CAMTA1: variants seen among roughly 807,000 people sequenced by gnomAD.
CAMTA1 encodes calmodulin binding transcription activator 1.
CAMTA1 carries 27 observed loss-of-function variants against 170.9 expected under a neutral mutation model. The ratio of observed to expected loss-of-function variants is 0.16; its 90% CI spans 0.12 to 0.22. The LOEUF (loss-of-function observed/expected upper bound fraction) is 0.22, where lower values mean the gene tolerates loss of function less well. Among genes scored for constraint, CAMTA1 ranks in the 10% least tolerant of loss-of-function variants. The pLI, the probability that CAMTA1 is intolerant of heterozygous loss-of-function variation, is 1.00. For missense variants in CAMTA1, 1,619 were observed against 2,217.2 expected (o/e 0.73, Z 5.42); for synonymous variants, 833 against 891.5 (o/e 0.93, Z 1.17).
At chr1:7,214,708 C>T (rs1659438830) in intron 4 of CAMTA1, among the ~76,000 whole-genome samples, 2 of 152,088 alleles carry the variant, frequency 1.3e-5, no homozygotes, top group African/African-American at 4.8e-5. Context: ...CCCATTTTTC[C>T]TTTTATATGT....
chr1:7,562,989 G>A lies in CAMTA1; in HGVS notation c.511-77411G>A, dbSNP rs1470441290. Among the ~76,000 whole-genome samples the A allele has an allele frequency of 3.3e-5, 5 of 152,198 alleles. No individual in the cohort carries two copies. The highest frequency in any genetic ancestry group is 7.3e-5 in the Non-Finnish European group (5 of 68,036). On this transcript the variant is annotated intron_variant, in intron 6 of 22. Coordinates refer to ENST00000303635, the MANE Select transcript of CAMTA1 (RefSeq NM_015215.4). This position sits in a 1 kb window ranked among gnomAD's most constrained non-coding sequence, Gnocchi z 4.8. ...TGGGGGCTGTGAGGCCCATCACAGA[G>A]GTGCTTTCTGGGTACACTGCTTCCC...
At chr1:7,515,024 G>T (rs959737445) in intron 6 of CAMTA1, among the ~76,000 whole-genome samples, 2 of 150,762 alleles carry the variant, frequency 1.3e-5, no homozygotes, top group Non-Finnish European at 2.9e-5. Context: ...CTTCACCTGG[G>T]ATCATCAGGC....
chr1:7,664,093 C>T lies in CAMTA1; in HGVS notation c.1546C>T (p.Pro516Ser). The change falls in exon 9 of 23, where the codon CCA becomes TCA. Residue 516 changes from proline to serine, a missense_variant. By Grantham distance (74) the Pro-to-Ser change is moderately conservative. Coordinates refer to ENST00000303635, the MANE Select transcript of CAMTA1 (RefSeq NM_015215.4). The part of the protein sequence containing the change: ...EMVSSNIRHS[P>S]PGERSFSFTT... ...GGTCAGCTCCAACATCCGGCACTCGCCACCCGGGGAGCGGAGCTTCAGCTT... is the reference window on the plus strand; with the variant it reads ...GGTCAGCTCCAACATCCGGCACTCGTCACCCGGGGAGCGGAGCTTCAGCTT... 6.2e-7 allele frequency: 1 copy of T among 1,613,598 alleles called. No homozygotes were observed. The highest frequency in any genetic ancestry group is 8.5e-7 in the Non-Finnish European group (1 of 1,180,028).
In CAMTA1 at chr1:7,707,962, T is replaced by C. The variant is rs1169129905; in HGVS notation, c.2915-24486T>C. 3.9e-5 allele frequency among the ~76,000 whole-genome samples: 6 copies of C among 152,304 alleles called. 1 individual carries two copies. The South Asian group carries it at 1.0e-3, about 26-fold the overall frequency. On this transcript the variant is annotated intron_variant, in intron 11 of 22. Transcript: ENST00000303635. Reference sequence around the variant, plus strand: ...AGGAGATGCCGTCGCCATCAGGAGATAGTTACTCTTCACCCCACAGGCAGT... The same window carrying C: ...AGGAGATGCCGTCGCCATCAGGAGACAGTTACTCTTCACCCCACAGGCAGT...
At chr1:7,578,629 A>G (rs1370310509) in intron 6 of CAMTA1, among the ~76,000 whole-genome samples, 1 of 152,188 alleles carries the variant, frequency 6.6e-6, no homozygotes, top group Non-Finnish European at 1.5e-5. Context: ...GTGCTGCTCT[A>G]ACAGAAAACC....
chr1:7,256,932 C>G (rs1667469790), intron 5 of CAMTA1, among the ~76,000 whole-genome samples: 1 of 152,128 alleles, frequency 6.6e-6, no homozygotes, highest in African/African-American at 2.4e-5. Flanking sequence ...GCCATCTTCT[C>G]ACTGCATCCT....
chr1:7,101,763 T>C (rs1431813751), intron 4 of CAMTA1, among the ~76,000 whole-genome samples: 1 of 152,092 alleles, frequency 6.6e-6, no homozygotes, highest in African/African-American at 2.4e-5. Context: ...ATGACACATA[T>C]GCATGAACAA....
At chr1:6,888,797 C>T (rs1017946932) in intron 3 of CAMTA1, among the ~76,000 whole-genome samples, 2 of 151,958 alleles carry the variant, frequency 1.3e-5, no homozygotes, top group Admixed American at 6.6e-5. Context: ...TCTTAAAAAC[C>T]TTTGAGGAAG....
intron 11 of CAMTA1, among the ~76,000 whole-genome samples, chr1:7,691,367 C>T (rs1294057026): frequency 6.6e-6 from 1 of 152,126 alleles, no homozygotes; most frequent in African/African-American, 2.4e-5. Context: ...AGGCTTTATC[C>T]CCAAGGAGAG....
At chr1:7,528,435 A>C (rs1352809093) in intron 6 of CAMTA1, among the ~76,000 whole-genome samples, 1 of 152,224 alleles carries the variant, frequency 6.6e-6, no homozygotes, top group Non-Finnish European at 1.5e-5. Flanking sequence ...GTTTTTTAAA[A>C]AAAAAAAATC....
chr1:6,886,259 A>G, intron 3 of CAMTA1: 1 of 456,124 alleles, frequency 2.2e-6, no homozygotes, highest in South Asian at 1.5e-5. Context: ...TTTTGGTAGC[A>G]GAAAGCAAAT....
intron 5 of CAMTA1, among the ~76,000 whole-genome samples, chr1:7,302,897 G>T (rs1674996232): frequency 6.6e-6 from 1 of 152,194 alleles, no homozygotes; most frequent in African/African-American, 2.4e-5. Context: ...TCGTCATTTT[G>T]GGGAGATGAA....
At position 7,664,944 on chromosome 1, in the gene CAMTA1, C is replaced by A; in HGVS notation, c.2397C>A (p.Asp799Glu). 1.2e-6 allele frequency: 2 copies of A among 1,613,036 alleles called. No homozygotes were observed. The highest frequency in any genetic ancestry group is 1.7e-6 in the Non-Finnish European group (2 of 1,179,974). ...ATGGGCACCAGCTGGTGTCGGGGGA[C>A]AGCACGGCGCTCTCACAGTCAGAGG... ...TIYGHQLVSG[D>E]STALSQSEDG... The change falls in exon 9 of 23, where the codon GAC (aspartate) becomes GAA (glutamate). Residue 799 changes from aspartate (D) to glutamate (E), a missense_variant. Transcript: ENST00000303635.
In CAMTA1 at chr1:7,443,645, T is replaced by C. The variant is rs903814238; in HGVS notation, c.439-24185T>C. ...CAGAGATGATTGCAGTGCCCTATAG[T>C]GCACCGTTGGGGTAGAGGGAGGCCC... On this transcript the variant is annotated intron_variant, in intron 5 of 22. Coordinates refer to ENST00000303635, the MANE Select transcript of CAMTA1 (RefSeq NM_015215.4). The surrounding 1 kb of genome is among the most constrained non-coding windows in gnomAD (Gnocchi z 4.1). 2.0e-5 allele frequency among the ~76,000 whole-genome samples: 3 copies of C among 152,036 alleles called. No individual in the cohort carries two copies. The highest frequency in any genetic ancestry group is 7.2e-5 in the African/African-American group (3 of 41,394).
chr1:7,026,057 C>G (rs186599588), intron 3 of CAMTA1, among the ~76,000 whole-genome samples: 46 of 151,626 alleles, frequency 3.0e-4, no homozygotes, highest in African/African-American at 7.5e-4. Context: ...AAGATGGAGG[C>G]TGCAGTGAGT....
intron 3 of CAMTA1, among the ~76,000 whole-genome samples, chr1:6,864,668 C>T (rs1257407349): frequency 6.6e-6 from 1 of 152,192 alleles, no homozygotes; most frequent in Non-Finnish European, 1.5e-5. Context: ...GATGGTCGCC[C>T]TCCACCTTGG....
At chr1:7,530,908 G>C (rs750346660) in intron 6 of CAMTA1, among the ~76,000 whole-genome samples, 1 of 140,830 alleles carries the variant, frequency 7.1e-6, no homozygotes, top group African/African-American at 2.7e-5. Flanking sequence ...TCTGCCTCCC[G>C]GGTTCAAGCA....
chr1:7,079,378 T>C (rs900758746), intron 3 of CAMTA1, among the ~76,000 whole-genome samples: 1 of 152,180 alleles, frequency 6.6e-6, no homozygotes, highest in Non-Finnish European at 1.5e-5. Flanking sequence ...CTCACTGACC[T>C]GAGAAGCTCA....
At chr1:6,816,572 G>A (rs770021489) in intron 1 of CAMTA1, among the ~76,000 whole-genome samples, 1 of 152,220 alleles carries the variant, frequency 6.6e-6, no homozygotes, top group African/African-American at 2.4e-5. Flanking sequence ...CAGAATCAGC[G>A]GGGGAGGTGC....
Sources: allele counts gnomAD v4.1 joint callset (sites outside exome capture counted in the v4.1 genomes callset), GRCh38; gene constraint gnomAD v4.1.1; non-coding constraint Gnocchi (gnomAD v3.1); transcripts MANE v1.5; gene names NCBI Gene and HGNC (gene_info 2026-07-23, HGNC 2026-07-21).